Variants in FAM107B observed in about 807,000 individuals in gnomAD.
FAM107B encodes protein FAM107B.
A neutral mutation model predicts 31.5 loss-of-function variants in FAM107B; 21 were observed. That is an observed-to-expected ratio of 0.67 (90% CI 0.47 to 0.96). The LOEUF is 0.96. Among genes scored for constraint, FAM107B ranks in the 40% least tolerant of loss-of-function variants. The pLI is 0.00. For synonymous variants in FAM107B, 157 were observed against 141.5 expected, an observed-to-expected ratio of 1.11 and a Z score of -0.78; for missense variants, 452 against 377.1, an observed-to-expected ratio of 1.20 and a Z score of -1.64.
intron 2 of FAM107B, among the ~76,000 whole-genome samples, chr10:14,567,539 G>C (rs1342896215): frequency 6.6e-6 from 1 of 152,284 alleles, no homozygotes; most frequent in East Asian, 1.9e-4. Context: ...CAGGATCATA[G>C]AGAGGCAACT....
At chr10:14,619,053 A>G (rs1374126221) in intron 2 of FAM107B, among the ~76,000 whole-genome samples, 3 of 152,134 alleles carry the variant, frequency 2.0e-5, no homozygotes, top group African/African-American at 2.4e-5. Flanking sequence ...CAGAGGTTAG[A>G]AGACATGAGG....
intron 2 of FAM107B, among the ~76,000 whole-genome samples, chr10:14,618,031 G>A (rs975512553): frequency 2.8e-4 from 42 of 152,102 alleles, no homozygotes; most frequent in Non-Finnish European, 5.6e-4. Flanking sequence ...TTATCATAGG[G>A]AATATTTCAC....
At chr10:14,579,538 C>T (rs1396372999) in intron 2 of FAM107B, among the ~76,000 whole-genome samples, 1 of 152,190 alleles carries the variant, frequency 6.6e-6, no homozygotes, top group Admixed American at 6.5e-5. Context: ...AATTGCAACC[C>T]TGGGCTTTAT....
intron 2 of FAM107B, chr10:14,548,691 C>T: frequency 1.0e-6 from 1 of 978,396 alleles, no homozygotes; most frequent in Non-Finnish European, 1.2e-6. Context: ...GCCTCATTGG[C>T]CAGAACAGTG....
At chr10:14,697,617 G>T (rs1855297827) in intron 1 of FAM107B, among the ~76,000 whole-genome samples, 1 of 152,172 alleles carries the variant, frequency 6.6e-6, no homozygotes, top group African/African-American at 2.4e-5. Context: ...CAAATACAAA[G>T]GTGTTCTTGA....
chr10:14,651,760 G>A (rs143886355), intron 2 of FAM107B, among the ~76,000 whole-genome samples: 5 of 152,264 alleles, frequency 3.3e-5, no homozygotes, highest in Admixed American at 6.5e-5. Context: ...TTTAATAGGC[G>A]AATAGATAAT....
chr10:14,700,432 C>G (rs529831602), intron 1 of FAM107B, among the ~76,000 whole-genome samples: 1 of 152,040 alleles, frequency 6.6e-6, no homozygotes, highest in Non-Finnish European at 1.5e-5. Flanking sequence ...CATGAACAGC[C>G]GTATATGGAA....
intron 1 of FAM107B, among the ~76,000 whole-genome samples, chr10:14,733,293 T>C (rs1856216957): frequency 6.6e-6 from 1 of 152,116 alleles, no homozygotes; most frequent in Non-Finnish European, 1.5e-5. Flanking sequence ...AGAGTCGATC[T>C]AATGTATCTG....
At chr10:14,596,118 A>G (rs1852181329) in intron 2 of FAM107B, among the ~76,000 whole-genome samples, 1 of 152,084 alleles carries the variant, frequency 6.6e-6, no homozygotes, top group African/African-American at 2.4e-5. Context: ...TTCCTTCCAT[A>G]GCAAGCTCCT....
intron 2 of FAM107B, among the ~76,000 whole-genome samples, chr10:14,578,048 G>A (rs1287093465): frequency 6.6e-6 from 1 of 152,066 alleles, no homozygotes; most frequent in East Asian, 1.9e-4. Flanking sequence ...GCTTCACAGG[G>A]CTCTCAACCT....
rs181019912 is a variant in FAM107B, at chr10:14,571,043, T to C, written c.470-40528A>G. On this transcript the variant is annotated intron_variant, in intron 2 of 4. Coordinates refer to ENST00000181796, the MANE Select transcript of FAM107B (RefSeq NM_031453.4). ...GTCTATTTCTCACAATTCTAGAGGC[T>C]GGGAAGTCCAAGATCAAGGTGCCAG... Among the ~76,000 whole-genome samples the C allele has an allele frequency of 1.5e-4, 23 of 152,248 alleles. 1 individual carries two copies. In the East Asian group the frequency reaches 4.4e-3, roughly 29 times the overall value.
chr10:14,705,491 A>G (rs2601740), intron 1 of FAM107B, among the ~76,000 whole-genome samples: 48,621 of 151,990 alleles, frequency 0.32, 8,070 homozygotes, highest in African/African-American at 0.4. Context: ...ATGGATAAAC[A>G]AAGTGTGGTC....
intron 1 of FAM107B, among the ~76,000 whole-genome samples, chr10:14,710,562 A>C (rs1855622857): frequency 6.6e-6 from 1 of 152,102 alleles, no homozygotes; most frequent in Non-Finnish European, 1.5e-5. Flanking sequence ...ATTTTGGTCA[A>C]TAATGGATGC....
chr10:14,758,698 G>A (rs1356426090), intron 1 of FAM107B, among the ~76,000 whole-genome samples: 3 of 151,900 alleles, frequency 2.0e-5, no homozygotes, highest in African/African-American at 7.3e-5. Flanking sequence ...AAATCCAGGA[G>A]TGTGAAATAT....
intron 2 of FAM107B, among the ~76,000 whole-genome samples, chr10:14,606,223 C>T (rs1852586338): frequency 6.6e-6 from 1 of 152,164 alleles, no homozygotes; most frequent in Non-Finnish European, 1.5e-5. Flanking sequence ...CCTTGTCATG[C>T]TCTTCCACGG....
intron 1 of FAM107B, among the ~76,000 whole-genome samples, chr10:14,713,062 T>C (rs1039435913): frequency 1.3e-5 from 2 of 152,146 alleles, no homozygotes; most frequent in African/African-American, 4.8e-5. Context: ...AACTCGCTGA[T>C]ACGATTTGCT....
chr10:14,677,312 C>T, intron 1 of FAM107B, among the ~76,000 whole-genome samples: 1 of 152,144 alleles, frequency 6.6e-6, no homozygotes, highest in East Asian at 1.9e-4. Context: ...ATCCCAATGC[C>T]TCTCTCTTTT....
At chr10:14,699,493 A>C (rs1564629869) in intron 1 of FAM107B, among the ~76,000 whole-genome samples, 1 of 152,142 alleles carries the variant, frequency 6.6e-6, no homozygotes, top group Admixed American at 6.5e-5. Flanking sequence ...AGGGCAGGTG[A>C]AAGTGGATGG....
chr10:14,546,884 C>T (rs552863186), intron 2 of FAM107B, among the ~76,000 whole-genome samples: 1 of 152,274 alleles, frequency 6.6e-6, no homozygotes, highest in South Asian at 2.1e-4. Context: ...CACATTACTA[C>T]CACAAAAATA....
Sources: gnomAD v4.1 joint callset for allele counts (sites outside exome capture counted in the v4.1 genomes callset) on GRCh38, gnomAD v4.1.1 for gene constraint, MANE v1.5 for transcripts, NCBI Gene and HGNC (gene_info 2026-07-23, HGNC 2026-07-21) for gene names.